The following THPO variants were observed in gnomAD, a reference collection of about 807,000 sequenced individuals.
The protein encoded by THPO is MPL ligand.
Under a neutral mutation model 17.0 loss-of-function variants are expected in THPO, and 12 were observed. The ratio of observed to expected loss-of-function variants is 0.71; its 90% confidence interval spans 0.45 to 1.14. The LOEUF (loss-of-function observed/expected upper bound fraction) is 1.14. THPO is among the 50% of genes most tolerant of loss of function. The probability of loss-of-function intolerance (pLI) is 0.00; values close to 1 mark genes in which losing one functional copy is unlikely to be tolerated. For synonymous variants in THPO, 188 were observed against 183.0 expected (o/e 1.03, Z -0.22); for missense variants, 365 against 427.5 (o/e 0.85, Z 1.29).
chr3:184,378,124 G>T lies in THPO; in HGVS notation c.-195C>A. 1.0e-6 allele frequency: 1 copy of T among 985,630 alleles called. No individual in the cohort carries two copies. Among genetic ancestry groups the T allele is most frequent in the Non-Finnish European group, 1.2e-6 (1 of 830,066 alleles). 61.1% of individuals were successfully genotyped at this position (985,630 alleles called of 1,614,324 possible). ...CAAGTGCACAGCAGGCAGCCCTCTG[G>T]GGAGCAGATGGGTAGGAAGACATGT... On this transcript the variant is annotated 5_prime_UTR_variant, in exon 1 of 6. Coordinates refer to ENST00000647395, the MANE Select transcript of THPO (RefSeq NM_000460.4).
At position 184,372,869 on chromosome 3, in the gene THPO, T is replaced by G. The variant is rs1314113189; in HGVS notation, c.706A>C (p.Thr236Pro). The change falls in exon 6 of 6, where the codon ACC becomes CCC. Residue 236 changes from threonine to proline, a missense_variant. Thr to Pro is a conservative substitution (Grantham distance 38). Coordinates refer to ENST00000647395, the MANE Select transcript of THPO (RefSeq NM_000460.4). The part of the protein sequence containing the change: ...RAKIPGLLNQ[T>P]SRSLDQIPGY... ...GGGATTTGGTCCAGGGACCTGGAGG[T>G]TTGGTTCAGCAGACCAGGAATCTTG... is the stretch of plus-strand genomic sequence containing the variant. 3 of 1,613,596 alleles carry G rather than the reference T, an allele frequency of 1.9e-6. No homozygotes were observed. Among genetic ancestry groups the G allele is most frequent in the Non-Finnish European group, 2.5e-6 (3 of 1,179,908 alleles).
chr3:184,375,447 T>C, intron 4 of THPO, 68 bp downstream of exon 4: 1 of 1,495,564 alleles, frequency 6.7e-7, no homozygotes, highest in Non-Finnish European at 9.3e-7. Flanking sequence ...TGTTGGAGAA[T>C]CCATGGGAAG....
chr3:184,376,298 G>C lies in THPO; in HGVS notation c.-39C>G, dbSNP rs1180498455. On this transcript the variant is annotated 5_prime_UTR_variant, in exon 2 of 6. Transcript: ENST00000647395. ...TCTGGCTGGCGTGGCTCCCTGTTTG[G>C]GGCCTCTCCCCTGAATCCTTCCTGG... The C allele has an allele frequency of 6.2e-7, 1 of 1,614,168 alleles. No individual in the cohort carries two copies. Among genetic ancestry groups the C allele is most frequent in the Admixed American group, 1.7e-5 (1 of 60,022 alleles).
intron 1 of THPO, among the ~76,000 whole-genome samples, chr3:184,376,856 AAGAAAGAAAG>A (rs1382755685): frequency 2.5e-5 from 3 of 121,518 alleles, no homozygotes; most frequent in African/African-American, 8.7e-5. Flanking sequence ...AAAAAAAAAA[AAGAAAGAAAG>A]AAAGAAAGAA....
In THPO at chr3:184,372,632, T is replaced by C; in HGVS notation, c.943A>G (p.Thr315Ala). 1 of 1,611,498 alleles carries C rather than the reference T, an allele frequency of 6.2e-7. No homozygotes were observed. Among genetic ancestry groups the C allele is most frequent in the South Asian group, 1.1e-5 (1 of 90,936 alleles). The change falls in exon 6 of 6, where the codon ACC becomes GCC. Residue 315 changes from threonine (T) to alanine (A), a missense_variant. Transcript: ENST00000647395. ...TLFPLPPTLP[T>A]PVVQLHPLLP... is the part of the protein sequence containing the mutation. ...AGGGGGTGGAGCTGGACCACAGGGG[T>C]GGGCAAGGTGGGTGGAAGAGGGAAG...
At chr3:184,374,228 AAAT>A (rs890492920) in intron 4 of THPO, among the ~76,000 whole-genome samples, 9 of 152,162 alleles carry the variant, frequency 5.9e-5, no homozygotes, top group East Asian at 1.9e-4. Context: ...ACTCCGTCTC[AAAT>A]AATAATAATA....
At chr3:184,376,196 C>T in intron 2 of THPO, 51 bp downstream of exon 2, 1 of 1,613,924 alleles carries the variant, frequency 6.2e-7, no homozygotes. Context: ...CTTTCTCTCT[C>T]CCCTTCTGTC....
At position 184,375,960 on chromosome 3, in the gene THPO, C is replaced by T. The variant is rs766855853; in HGVS notation, c.69G>A (p.Pro23=). The stretch of plus-strand genomic sequence containing the variant: ...CTCGGAGGTCACAAGCAGGAGGAGC[C>T]GGGCTGGACAGCGTTAGCCTTGCAG... ...LLTARLTLSS[P]APPACDLRVL... is the part of the protein sequence containing the mutation. Residue 23 remains proline, a synonymous_variant, in exon 3 of 6, where the codon CCG becomes CCA. Transcript: ENST00000647395. The T allele has an allele frequency of 2.2e-5, 35 of 1,613,706 alleles. No individual in the cohort carries two copies. The highest frequency in any genetic ancestry group is 8.3e-5 in the Admixed American group (5 of 59,968).
rs201680404 is a variant in THPO, at chr3:184,373,036, G to T, written c.539C>A (p.Thr180Lys). 6.2e-7 allele frequency: 1 copy of T among 1,614,122 alleles called. No individual in the cohort carries two copies. Residue 180 changes from threonine to lysine, a missense_variant, in exon 6 of 6, where the codon ACA (threonine) becomes AAA (lysine). Coordinates refer to ENST00000647395, the MANE Select transcript of THPO (RefSeq NM_000460.4). Reference protein sequence around the residue: ...TLCVRRAPPTTAVPSRTSLVL... With the variant: ...TLCVRRAPPTKAVPSRTSLVL... ...TAGAGAGGTTCTGCTGGGGACAGCTGTGGTGGGTGGGGCCCGCCTGACGCA... is the reference window on the plus strand; with the variant it reads ...TAGAGAGGTTCTGCTGGGGACAGCTTTGGTGGGTGGGGCCCGCCTGACGCA...
chr3:184,377,133 C>A (rs1341122508), intron 1 of THPO, among the ~76,000 whole-genome samples: 2 of 151,842 alleles, frequency 1.3e-5, no homozygotes, highest in African/African-American at 4.8e-5. Flanking sequence ...GGGTGAGGAA[C>A]TGGCAAACGG....
chr3:184,373,691 G>C (rs1714156657), intron 4 of THPO, 109 bp from the exon 5 acceptor site: 2 of 1,295,242 alleles, frequency 1.5e-6, no homozygotes, highest in Non-Finnish European at 2.2e-6. Context: ...CTGAGAACTG[G>C]ACAGGACCAA....
chr3:184,373,259 G>T (rs1377847974), intron 5 of THPO, 81 bp from the exon 6 acceptor site: 2 of 1,587,628 alleles, frequency 1.3e-6, no homozygotes, highest in South Asian at 1.1e-5. Context: ...AAGACAGGAT[G>T]CCAGTACCCA....
intron 1 of THPO, among the ~76,000 whole-genome samples, chr3:184,377,469 T>C (rs1033845171): frequency 1.3e-5 from 2 of 152,158 alleles, no homozygotes; most frequent in Non-Finnish European, 2.9e-5. Flanking sequence ...CCCACTAACA[T>C]ATCTGTCTCA....
chr3:184,374,053 C>G (rs528942627), intron 4 of THPO, among the ~76,000 whole-genome samples: 1 of 152,182 alleles, frequency 6.6e-6, no homozygotes, highest in African/African-American at 2.4e-5. Flanking sequence ...CATGGTGAAA[C>G]CCCATCTCTA....
chr3:184,374,570 G>A (rs111906168), intron 4 of THPO, among the ~76,000 whole-genome samples: 10 of 152,248 alleles, frequency 6.6e-5, no homozygotes, highest in African/African-American at 2.4e-4. Context: ...AGTTCTGTAC[G>A]AGCATTTCCA....
chr3:184,376,662 T>C (rs1463974625), intron 1 of THPO, among the ~76,000 whole-genome samples: 1 of 152,012 alleles, frequency 6.6e-6, no homozygotes, highest in African/African-American at 2.4e-5. Flanking sequence ...CTCACTAACA[T>C]GGTGAAACCC....
chr3:184,377,943 A>G, intron 1 of THPO, 132 bp downstream of exon 1: 2 of 664,434 alleles, frequency 3.0e-6, no homozygotes, highest in Non-Finnish European at 3.7e-6. Flanking sequence ...CATTCTGGGA[A>G]GGCTACACTC....
Position 184,378,061 on chromosome 3 carries a change from T to G in THPO, c.-146+14A>C. ...TCTACCCTCACATAACCCCACACCC[T>G]GCTGGCCACTCACCGGGTGGAGAAG... On this transcript the variant is annotated intron_variant, in intron 1 of 5. Coordinates refer to ENST00000647395, the MANE Select transcript of THPO (RefSeq NM_000460.4). 2 of 985,576 alleles carry G rather than the reference T, an allele frequency of 2.0e-6. No homozygotes were observed. Among genetic ancestry groups the G allele is most frequent in the Non-Finnish European group, 2.4e-6 (2 of 830,050 alleles). 61.1% of individuals were successfully genotyped at this position (985,576 alleles called of 1,614,324 possible). A position where few individuals can be genotyped will look rare whatever the true frequency, so the allele number is the denominator to read the frequency against.
At chr3:184,374,317 A>G (rs13091574) in intron 4 of THPO, among the ~76,000 whole-genome samples, 2 of 152,256 alleles carry the variant, frequency 1.3e-5, no homozygotes, top group South Asian at 4.1e-4. Context: ...AGGGACCCAT[A>G]GGAACTGCCC....
Sources: allele counts gnomAD v4.1 joint callset (sites outside exome capture counted in the v4.1 genomes callset), GRCh38; gene constraint gnomAD v4.1.1; transcripts MANE v1.5; gene names NCBI Gene and HGNC (gene_info 2026-07-23, HGNC 2026-07-21).